Variants in STARD13 observed in about 807,000 individuals in gnomAD.
The protein encoded by STARD13 is stAR-related lipid transfer protein 13.
A neutral mutation model predicts 106.4 loss-of-function variants in STARD13; 62 were observed. The observed-to-expected ratio is 0.58, with a 90% CI of 0.48 to 0.72. The LOEUF is 0.72. STARD13 is among the 30% of genes least tolerant of loss of function. STARD13 has a pLI of 0.00. For missense variants in STARD13, 1,387 were observed against 1,424.0 expected (o/e 0.97, Z 0.42); for synonymous variants, 565 against 553.0 (o/e 1.02, Z -0.31).
chr13:33,277,853 T>G (rs1369680497), intron 1 of STARD13: 1 of 152,168 alleles, frequency 6.6e-6, no homozygotes, highest in African/African-American at 2.4e-5. Context: ...CTACCCAAGA[T>G]AGAATCTTTG....
chr13:33,358,373 G>T, the STARD13 span, among the ~76,000 whole-genome samples: 1 of 152,220 alleles, frequency 6.6e-6, no homozygotes, highest in Non-Finnish European at 1.5e-5. Context: ...TAAGCGCACG[G>T]CACAGGACTG....
the STARD13 span, among the ~76,000 whole-genome samples, chr13:33,398,650 A>T: frequency 1.3e-5 from 2 of 152,234 alleles, no homozygotes; most frequent in Non-Finnish European, 2.9e-5. Context: ...GTGAACAGAC[A>T]CTTCAAAACA....
chr13:33,329,643 TTGTGTGTGTGTA>T (rs2077814047), intron 1 of STARD13, among the ~76,000 whole-genome samples: 1 of 103,912 alleles, frequency 9.6e-6, no homozygotes, highest in African/African-American at 3.7e-5. Context: ...TAATATTCCA[TTGTGTGTGTGTA>T]TGTGTGTGTG....
Position 33,111,783 on chromosome 13 carries a change from A to G in STARD13, c.2602T>C (p.Phe868Leu). 1 of 1,613,168 alleles carries G rather than the reference A, an allele frequency of 6.2e-7. No homozygotes were observed. The change falls in exon 10 of 14, where the codon TTT (phenylalanine) becomes CTT (leucine). Residue 868 changes from phenylalanine (F) to leucine (L), a missense_variant. By Grantham distance (22) the Phe-to-Leu change is conservative. Coordinates refer to ENST00000336934, the MANE Select transcript of STARD13 (RefSeq NM_178006.4). ...AHMIMECDRL[F>L]EVPHELVAQS... Reference sequence around the variant, plus strand: ...GGTTCGAGCCTTTTGCTCACCTCAAAAAGTCTGTCGCATTCCATGATCATG... The same window carrying G: ...GGTTCGAGCCTTTTGCTCACCTCAAGAAGTCTGTCGCATTCCATGATCATG...
chr13:33,110,610 T>C, intron 11 of STARD13, 76 bp downstream of exon 11: 1 of 1,317,164 alleles, frequency 7.6e-7, no homozygotes, highest in Non-Finnish European at 1.1e-6. Flanking sequence ...CAGCAGCTGT[T>C]TTCAATGCAA....
the STARD13 span, among the ~76,000 whole-genome samples, chr13:33,535,549 CAATT>C: frequency 7.2e-5 from 11 of 151,992 alleles, no homozygotes; most frequent in African/African-American, 1.7e-4. Flanking sequence ...AGAAAAACAT[CAATT>C]AATTGTTTTG....
At chr13:33,126,000 A>G in intron 7 of STARD13, 81 bp downstream of exon 7, 1 of 1,524,016 alleles carries the variant, frequency 6.6e-7, no homozygotes, top group Non-Finnish European at 9.0e-7. Context: ...TATTGGGCAG[A>G]TCTGACTCAG....
the STARD13 span, among the ~76,000 whole-genome samples, chr13:33,593,929 C>T: frequency 8.4e-4 from 128 of 152,040 alleles, 1 homozygote; most frequent in African/African-American, 1.4e-3. Flanking sequence ...TTTTTTGAGA[C>T]GGAGTCTTGC....
the STARD13 span, among the ~76,000 whole-genome samples, chr13:33,361,308 AACTT>A: frequency 1.6e-5 from 2 of 125,482 alleles, no homozygotes; most frequent in South Asian, 3.5e-4. Context: ...TATCTTCTCT[AACTT>A]ACTTTATTGA....
At chr13:33,435,211 A>C in the STARD13 span, among the ~76,000 whole-genome samples, 1 of 152,182 alleles carries the variant, frequency 6.6e-6, no homozygotes, top group Non-Finnish European at 1.5e-5. Context: ...TCTTCAGTAG[A>C]TGTTTGGGGA....
intron 1 of STARD13, among the ~76,000 whole-genome samples, chr13:33,177,484 A>G (rs1190392349): frequency 6.6e-6 from 1 of 152,120 alleles, no homozygotes. Flanking sequence ...CTAGTTACAC[A>G]ATTCTGGCAT....
At chr13:33,383,058 C>T in the STARD13 span, among the ~76,000 whole-genome samples, 3 of 152,104 alleles carry the variant, frequency 2.0e-5, no homozygotes, top group Non-Finnish European at 4.4e-5. Flanking sequence ...TTAGAGCTTC[C>T]ATTATAAATT....
chr13:33,273,087 C>T (rs554763376), intron 1 of STARD13, among the ~76,000 whole-genome samples: 11 of 152,244 alleles, frequency 7.2e-5, no homozygotes, highest in African/African-American at 2.2e-4. Flanking sequence ...CAACAAAACT[C>T]GATTCCAAAG....
At chr13:33,359,825 A>T in the STARD13 span, among the ~76,000 whole-genome samples, 13 of 152,228 alleles carry the variant, frequency 8.5e-5, no homozygotes, top group Non-Finnish European at 1.6e-4. Context: ...TATTATGATC[A>T]GTATAGAAAT....
chr13:33,218,904 C>T (rs542479037), intron 1 of STARD13, among the ~76,000 whole-genome samples: 177 of 152,172 alleles, frequency 1.2e-3, no homozygotes, highest in Non-Finnish European at 7.8e-4. Context: ...CTGAACAACA[C>T]GGCACTGAAA....
At chr13:33,565,809 C>G in the STARD13 span, among the ~76,000 whole-genome samples, 3 of 148,566 alleles carry the variant, frequency 2.0e-5, 1 homozygote, top group African/African-American at 7.4e-5. Flanking sequence ...TCTTCCTACT[C>G]TAATGAACAC....
At chr13:33,624,399 C>T in the STARD13 span, among the ~76,000 whole-genome samples, 1 of 152,348 alleles carries the variant, frequency 6.6e-6, no homozygotes, top group African/African-American at 2.4e-5. Context: ...TGAGGCACTG[C>T]CTCTGTGCTT....
At chr13:33,567,230 A>G in the STARD13 span, among the ~76,000 whole-genome samples, 1 of 148,744 alleles carries the variant, frequency 6.7e-6, no homozygotes, top group Admixed American at 6.9e-5. Context: ...ATATTCTGAT[A>G]GAAATAACAA....
the STARD13 span, among the ~76,000 whole-genome samples, chr13:33,631,747 A>T: frequency 0.039 from 5,986 of 151,960 alleles, 403 homozygotes; most frequent in African/African-American, 0.14. Flanking sequence ...TTTTTACTTT[A>T]TTTCTTTAAA....
Sources: gnomAD v4.1 joint callset for allele counts (sites outside exome capture counted in the v4.1 genomes callset) on GRCh38, gnomAD v4.1.1 for gene constraint, MANE v1.5 for transcripts, NCBI Gene and HGNC (gene_info 2026-07-23, HGNC 2026-07-21) for gene names.